Variants in GALNT8 observed in about 807,000 individuals in gnomAD.
GALNT8 encodes probable polypeptide N-acetylgalactosaminyltransferase 8.
GALNT8 carries 66 observed loss-of-function variants against 62.7 expected under a neutral mutation model. The ratio of observed to expected loss-of-function variants is 1.05; its 90% CI spans 0.86 to 1.29. The LOEUF (loss-of-function observed/expected upper bound fraction) is 1.29. Among genes scored for constraint, GALNT8 ranks in the 50% most tolerant of loss-of-function variants. The pLI is 0.00. For missense variants in GALNT8, 771 were observed against 791.8 expected (o/e 0.97, Z 0.32); for synonymous variants, 288 against 294.3 (o/e 0.98, Z 0.22).
At chr12:4,723,419 C>T (rs532684064) in intron 1 of GALNT8, among the ~76,000 whole-genome samples, 8 of 152,232 alleles carry the variant, frequency 5.3e-5, no homozygotes, top group African/African-American at 1.9e-4. Context: ...CAGCACCACC[C>T]TCACTATTTG....
chr12:4,755,007 C>T (rs556838965), intron 6 of GALNT8, among the ~76,000 whole-genome samples: 15 of 152,300 alleles, frequency 9.8e-5, no homozygotes, highest in African/African-American at 3.4e-4. Context: ...CTCTCCTCTC[C>T]TCAAGTGGAA....
intron 6 of GALNT8, among the ~76,000 whole-genome samples, chr12:4,757,351 A>C (rs1021105092): frequency 9.9e-5 from 15 of 152,250 alleles, no homozygotes; most frequent in Admixed American, 2.6e-4. Flanking sequence ...ATATAATTTT[A>C]TAAAGATATT....
At chr12:4,756,330 T>G (rs540877827) in intron 6 of GALNT8, among the ~76,000 whole-genome samples, 17 of 152,304 alleles carry the variant, frequency 1.1e-4, no homozygotes, top group African/African-American at 4.1e-4. Flanking sequence ...ACAGACAGAC[T>G]TAAGTCAAAA....
chr12:4,722,718 C>A (rs1946176528), intron 1 of GALNT8, among the ~76,000 whole-genome samples: 1 of 152,040 alleles, frequency 6.6e-6, no homozygotes, highest in South Asian at 2.1e-4. Flanking sequence ...ATGTGACTGC[C>A]CAGGTGTGTG....
chr12:4,758,650 GA>G (rs1946357509), intron 6 of GALNT8, among the ~76,000 whole-genome samples: 2 of 148,740 alleles, frequency 1.3e-5, no homozygotes, highest in African/African-American at 5.0e-5. Flanking sequence ...GAGAGAGAGA[GA>G]GAGAGAGAGA....
intron 6 of GALNT8, among the ~76,000 whole-genome samples, chr12:4,757,751 C>T (rs536890714): frequency 8.0e-6 from 1 of 124,228 alleles, no homozygotes; most frequent in African/African-American, 2.8e-5. Flanking sequence ...TTTCTTCTAT[C>T]ACTGTAGATA....
intron 7 of GALNT8, among the ~76,000 whole-genome samples, 154 bp downstream of exon 7, chr12:4,761,297 G>GT (rs771986767): frequency 3.9e-5 from 6 of 152,156 alleles, no homozygotes; most frequent in Non-Finnish European, 8.8e-5. Context: ...TAACATTTAT[G>GT]TAACAGTACA....
chr12:4,742,876 T>C (rs1946278277), intron 3 of GALNT8, among the ~76,000 whole-genome samples: 1 of 152,164 alleles, frequency 6.6e-6, no homozygotes, highest in Admixed American at 6.5e-5. Context: ...ATAGGTTGTC[T>C]TCAGAAAACC....
At chr12:4,731,347 C>T (rs761842359) in intron 2 of GALNT8, among the ~76,000 whole-genome samples, 1 of 152,090 alleles carries the variant, frequency 6.6e-6, no homozygotes, top group Non-Finnish European at 1.5e-5. Context: ...GTTGATTTTG[C>T]AACTTTACTG....
intron 1 of GALNT8, among the ~76,000 whole-genome samples, chr12:4,723,970 GA>G (rs1946182824): frequency 6.6e-6 from 1 of 151,612 alleles, no homozygotes; most frequent in East Asian, 1.9e-4. Flanking sequence ...CTAACACGGT[GA>G]AACCCCGTCT....
chr12:4,767,141 C>T (rs559914491), intron 10 of GALNT8, among the ~76,000 whole-genome samples: 1 of 152,232 alleles, frequency 6.6e-6, no homozygotes, highest in South Asian at 2.1e-4. Context: ...CAAAGTGTTC[C>T]CCTGGCCTTA....
At chr12:4,741,577 T>TG (rs1946272251) in intron 3 of GALNT8, among the ~76,000 whole-genome samples, 1 of 147,016 alleles carries the variant, frequency 6.8e-6, no homozygotes, top group South Asian at 2.1e-4. Context: ...TCTTTTTCTG[T>TG]GGAAAAAAAA....
rs1946315656 is a variant in GALNT8, at chr12:4,749,972, G to A, written c.1173+3714G>A. Among the ~76,000 whole-genome samples the A allele has an allele frequency of 6.6e-6, 1 of 152,010 alleles. No individual in the cohort carries two copies. The highest frequency in any genetic ancestry group is 1.5e-5 in the Non-Finnish European group (1 of 67,984). ...TGGCATACAGTTGCTTATAGGAGCT[G>A]TTAGTGTTCCTTTAAATTTATGCAG... On this transcript the variant is annotated intron_variant, in intron 6 of 10. Coordinates refer to ENST00000252318, the MANE Select transcript of GALNT8 (RefSeq NM_017417.2). This position sits in a 1 kb window ranked among gnomAD's most constrained non-coding sequence, Gnocchi z 4.1.
chr12:4,771,766 A>C (rs1448571829), intron 10 of GALNT8, among the ~76,000 whole-genome samples: 1 of 152,116 alleles, frequency 6.6e-6, no homozygotes, highest in African/African-American at 2.4e-5. Flanking sequence ...CAGGACCAGG[A>C]GAGACGGTAG....
chr12:4,723,868 C>T (rs913331347), intron 1 of GALNT8, among the ~76,000 whole-genome samples: 7 of 151,022 alleles, frequency 4.6e-5, no homozygotes, highest in South Asian at 2.1e-4. Context: ...AATCAGAAGT[C>T]GGCCGGGCGC....
intron 6 of GALNT8, among the ~76,000 whole-genome samples, chr12:4,760,112 T>C (rs1277996428): frequency 6.6e-6 from 1 of 152,212 alleles, no homozygotes; most frequent in Non-Finnish European, 1.5e-5. Flanking sequence ...CAGAGGTCCA[T>C]GCACAGTTTA....
In GALNT8 at chr12:4,765,418, C is replaced by T. The variant is rs1434596819; in HGVS notation, c.1633C>T (p.Gln545Ter). The T allele has an allele frequency of 6.6e-7, 1 of 1,508,718 alleles. No individual in the cohort carries two copies. The highest frequency in any genetic ancestry group is 2.4e-5 in the East Asian group (1 of 42,088). The allele number at this position is 1,508,718 out of a possible 1,614,324, so 93.5% of individuals were successfully genotyped here. Residue 545 changes from glutamine (Q) to a stop codon, truncating the protein, a stop_gained, in exon 10 of 11, where the codon CAA (glutamine) becomes TAA (stop). Transcript: ENST00000252318. LOFTEE classifies it high-confidence loss of function. ...YHLTGELYVG[Q>*]LIAEASASDR... The stretch of plus-strand genomic sequence containing the variant: ...CCTAACTGGGGAGCTCTATGTGGGA[C>T]AACTGATTGCAGAGGCCAGTGCTAG...
At chr12:4,737,008 C>A (rs561257402) in intron 2 of GALNT8, among the ~76,000 whole-genome samples, 1,841 of 152,170 alleles carry the variant, frequency 0.012, 39 homozygotes, top group African/African-American at 0.042. Flanking sequence ...TAGAAACTAT[C>A]AATAAAGACT....
At chr12:4,743,422 G>C (rs1364840523) in intron 3 of GALNT8, among the ~76,000 whole-genome samples, 1 of 152,170 alleles carries the variant, frequency 6.6e-6, no homozygotes, top group Non-Finnish European at 1.5e-5. Flanking sequence ...ATCTAAAATG[G>C]GGTAAATTTT....
Sources: gnomAD v4.1 joint callset for allele counts (sites outside exome capture counted in the v4.1 genomes callset) on GRCh38, gnomAD v4.1.1 for gene constraint, Gnocchi (gnomAD v3.1) non-coding constraint, MANE v1.5 for transcripts, NCBI Gene and HGNC (gene_info 2026-07-23, HGNC 2026-07-21) for gene names.